UBR1: variants seen among roughly 807,000 people sequenced by gnomAD.
UBR1 encodes the protein ubiquitin protein ligase E3 component n-recognin 1, also known as E3 ubiquitin-protein ligase UBR1.
UBR1 carries 102 observed loss-of-function variants against 242.1 expected under a neutral mutation model. The ratio of observed to expected loss-of-function variants is 0.42; its 90% CI spans 0.36 to 0.50. The LOEUF is 0.50. Ranked by LOEUF, UBR1 falls within the 20% of genes least tolerant of loss-of-function variation. UBR1 has a pLI of 0.01. For synonymous variants in UBR1, 675 were observed against 684.8 expected, an observed-to-expected ratio of 0.99 and a Z score of 0.22; for missense variants, 1,772 against 2,101.8, an observed-to-expected ratio of 0.84 and a Z score of 3.07.
At chr15:43,067,839 A>G in intron 6 of UBR1, 59 bp downstream of exon 6, 1 of 1,610,014 alleles carries the variant, frequency 6.2e-7, no homozygotes, top group South Asian at 1.1e-5. Context: ...CTCAGTCAAC[A>G]TCTGGCTGCC....
intron 33 of UBR1, among the ~76,000 whole-genome samples, chr15:42,994,051 ATC>A (rs1282760399): frequency 6.6e-6 from 1 of 152,032 alleles, no homozygotes; most frequent in Non-Finnish European, 1.5e-5. Flanking sequence ...TGATTTCTCC[ATC>A]TCTCTCTAGC....
intron 46 of UBR1, among the ~76,000 whole-genome samples, chr15:42,947,760 A>C (rs2031762081): frequency 6.6e-6 from 1 of 152,212 alleles, no homozygotes; most frequent in South Asian, 2.1e-4. Flanking sequence ...GAGAACTACA[A>C]ACCACTGCTC....
rs551740188 is a variant in UBR1, at chr15:42,961,552, A to C, written c.4701-851T>G. 3.0e-4 allele frequency among the ~76,000 whole-genome samples: 46 copies of C among 151,428 alleles called. 1 individual carries two copies. In the South Asian group the frequency reaches 9.4e-3, roughly 31 times the overall value. On this transcript the variant is annotated intron_variant, in intron 42 of 46. Coordinates refer to ENST00000290650, the MANE Select transcript of UBR1 (RefSeq NM_174916.3). ...GATTCTGATGCCTCAGCTCCCGAGC[A>C]GCTGGGATTACAGGCATGCGCCACC... is the stretch of plus-strand genomic sequence containing the variant.
chr15:43,076,023 G>C (rs571913218), intron 3 of UBR1, among the ~76,000 whole-genome samples: 1 of 151,720 alleles, frequency 6.6e-6, no homozygotes, highest in African/African-American at 2.4e-5. Flanking sequence ...CTCTGATGCC[G>C]AGCCAAAGCT....
chr15:42,954,743 ATT>A (rs984597441), intron 44 of UBR1, among the ~76,000 whole-genome samples: 2 of 151,994 alleles, frequency 1.3e-5, no homozygotes, highest in African/African-American at 4.8e-5. Flanking sequence ...TTTTTTTTGT[ATT>A]TTTAGTAGAG....
intron 39 of UBR1, among the ~76,000 whole-genome samples, chr15:42,971,987 C>T (rs748705286): frequency 6.6e-6 from 1 of 152,208 alleles, no homozygotes; most frequent in Admixed American, 6.5e-5. Flanking sequence ...GTGTTGTACG[C>T]TTGTTATAAT....
chr15:42,999,317 C>T (rs1187407069), intron 32 of UBR1, among the ~76,000 whole-genome samples: 1 of 152,162 alleles, frequency 6.6e-6, no homozygotes, highest in African/African-American at 2.4e-5. Context: ...TCACTTTATT[C>T]AGGTCTCTGT....
intron 28 of UBR1, among the ~76,000 whole-genome samples, chr15:43,016,623 C>T (rs916436638): frequency 1.4e-4 from 22 of 152,312 alleles, no homozygotes; most frequent in African/African-American, 4.8e-4. Flanking sequence ...GTCACCCTGG[C>T]TGGAATGCAG....
At chr15:43,061,722 A>G (rs1596125190) in intron 6 of UBR1, among the ~76,000 whole-genome samples, 1 of 141,434 alleles carries the variant, frequency 7.1e-6, no homozygotes. Flanking sequence ...AAAAACAAAC[A>G]TTATATGTTC....
intron 39 of UBR1, among the ~76,000 whole-genome samples, chr15:42,971,328 C>T (rs1397558000): frequency 6.6e-6 from 1 of 152,144 alleles, no homozygotes; most frequent in East Asian, 1.9e-4. Flanking sequence ...GGTTATTTTC[C>T]TCCATCAACC....
intron 19 of UBR1, among the ~76,000 whole-genome samples, chr15:43,035,398 CTT>C (rs1042842081): frequency 6.6e-6 from 1 of 152,150 alleles, no homozygotes; most frequent in Non-Finnish European, 1.5e-5. Flanking sequence ...TAAGAAATAA[CTT>C]TTAAAATATG....
At chr15:43,054,951 G>A (rs1354753166) in intron 11 of UBR1, 52 bp from the exon 12 acceptor site, 1 of 1,588,468 alleles carries the variant, frequency 6.3e-7, no homozygotes, top group Non-Finnish European at 8.6e-7. Context: ...TTGTGGTATG[G>A]ACTTAATTTA....
intron 33 of UBR1, among the ~76,000 whole-genome samples, chr15:42,995,969 T>C (rs1164669319): frequency 6.6e-6 from 1 of 152,194 alleles, no homozygotes; most frequent in African/African-American, 2.4e-5. Flanking sequence ...TTCCCCACTG[T>C]GTACTCTCAA....
chr15:42,970,509 T>C lies in UBR1; in HGVS notation c.4457+11A>G, dbSNP rs1290792456. On this transcript the variant is annotated intron_variant, in intron 40 of 46. Coordinates refer to ENST00000290650, the MANE Select transcript of UBR1 (RefSeq NM_174916.3). ...TATTACAATAGACTGAACTAATGGATTGTTACTCACCCACTTGTATATTGA... is the reference window on the plus strand; with the variant it reads ...TATTACAATAGACTGAACTAATGGACTGTTACTCACCCACTTGTATATTGA... 2 of 1,610,912 alleles carry C rather than the reference T, an allele frequency of 1.2e-6. No homozygotes were observed. Among genetic ancestry groups the C allele is most frequent in the Admixed American group, 1.7e-5 (1 of 60,010 alleles).
At chr15:43,054,679 GAC>G in intron 12 of UBR1, 61 bp downstream of exon 12, 5 of 1,568,720 alleles carry the variant, frequency 3.2e-6, no homozygotes, top group Non-Finnish European at 4.4e-6. Flanking sequence ...TTACTTATAA[GAC>G]ACAGCAAATA....
intron 6 of UBR1, among the ~76,000 whole-genome samples, chr15:43,061,451 C>T (rs1247691362): frequency 2.0e-5 from 3 of 152,108 alleles, no homozygotes; most frequent in Non-Finnish European, 1.5e-5. Flanking sequence ...TTACAATTTG[C>T]AATTGCAAAA....
rs2033036116 is a variant in UBR1 at position 43,017,109 on chromosome 15, T to C, written c.3013A>G (p.Ile1005Val). Residue 1005 changes from isoleucine to valine, a missense_variant, in exon 28 of 47, where the codon ATT becomes GTT. Physicochemically the swap from Ile to Val is conservative, Grantham distance 29. Transcript: ENST00000290650. Reference sequence around the variant, plus strand: ...CAGTGTCATACCTCATCATTCTTAATAGATTCCGATCCTGATGTGGTTGCT... The same window carrying C: ...CAGTGTCATACCTCATCATTCTTAACAGATTCCGATCCTGATGTGGTTGCT... ...IVATTSGSESIKNDEITHDKE... is the reference protein window; with the variant it reads ...IVATTSGSESVKNDEITHDKE... 6.2e-7 allele frequency: 1 copy of C among 1,613,208 alleles called. No homozygotes were observed.
rs764345315 is a variant in UBR1 at position 43,070,792 on chromosome 15, C to T, written c.659+3G>A. On this transcript the variant is annotated splice_donor_region_variant and intron_variant, in intron 5 of 46. Transcript: ENST00000290650. ...ACTTGTTCCGTTTGACAGTTTTCCC[C>T]ACCTTATCTGGAGTTCAGGAGGCAG... 4.2e-5 allele frequency: 68 copies of T among 1,612,898 alleles called. No individual in the cohort carries two copies. The highest frequency in any genetic ancestry group is 5.7e-5 in the Non-Finnish European group (67 of 1,179,952).
chr15:43,002,558 T>C lies in UBR1; in HGVS notation c.3656A>G (p.Asn1219Ser). ...CAAAACATAAATTAAAATATACCTG[T>C]TTATCTTTTGAGGTTGCAAAGGAAT... Reference protein sequence around the residue: ...PIIPLQPQKINSENADALAQL... With the variant: ...PIIPLQPQKISSENADALAQL... The change falls in exon 32 of 47, where the codon AAC becomes AGC. Residue 1219 changes from asparagine (N) to serine (S), a missense_variant. This residue lies in a region of UBR1 where 965 missense variants were observed against 1,079.7 expected (regional missense o/e 0.89). Transcript: ENST00000290650. The C allele has an allele frequency of 1.9e-6, 3 of 1,613,962 alleles. No homozygotes were observed. The highest frequency in any genetic ancestry group is 1.6e-4 in the Middle Eastern group (1 of 6,062).
Sources: gnomAD v4.1 joint callset for allele counts (sites outside exome capture counted in the v4.1 genomes callset) on GRCh38, gnomAD v4.1.1 for gene constraint, gnomAD v4.1.1 regional missense constraint, MANE v1.5 for transcripts, NCBI Gene and HGNC (gene_info 2026-07-23, HGNC 2026-07-21) for gene names.